FOCAD: variants seen among roughly 807,000 people sequenced by gnomAD.
FOCAD encodes the protein KIAA1797.
FOCAD carries 198 observed loss-of-function variants against 225.6 expected under a neutral mutation model. The ratio of observed to expected loss-of-function variants is 0.88; its 90% CI spans 0.78 to 0.99. The LOEUF (loss-of-function observed/expected upper bound fraction) is 0.99, where lower values mean the gene tolerates loss of function less well. Among genes scored for constraint, FOCAD ranks in the 50% least tolerant of loss-of-function variants. FOCAD has a pLI of 0.00. For synonymous variants in FOCAD, 897 were observed against 755.0 expected (o/e 1.19, Z -3.08); for missense variants, 2,713 against 2,123.6 (o/e 1.28, Z -5.46).
rs753502682 is a variant in FOCAD at position 20,770,017 on chromosome 9, G to C, written c.700-15G>C. 1 of 1,604,460 alleles carries C rather than the reference G, an allele frequency of 6.2e-7. No homozygotes were observed. Among genetic ancestry groups the C allele is most frequent in the South Asian group, 1.1e-5 (1 of 90,462 alleles). On this transcript the variant is annotated splice_polypyrimidine_tract_variant and intron_variant, in intron 7 of 43. Transcript: ENST00000338382. ...TGTGTATTTTTTAATATCATATAAT[G>C]ACTTTTTTAAACAGGTAAAAGATTT...
chr9:20,916,877 T>C lies in FOCAD; in HGVS notation c.2808-16T>C, dbSNP rs1311114634. The C allele has an allele frequency of 6.3e-7, 1 of 1,596,372 alleles. No individual in the cohort carries two copies. Among genetic ancestry groups the C allele is most frequent in the Non-Finnish European group, 8.5e-7 (1 of 1,174,120 alleles). ...TTCTAACATAAACTCTCGTCTATTT[T>C]CCATCTTTATTGCAGGGTTAGAGAC... On this transcript the variant is annotated splice_polypyrimidine_tract_variant and intron_variant, in intron 23 of 43. Coordinates refer to ENST00000338382, the MANE Select transcript of FOCAD (RefSeq NM_001375567.1).
At chr9:20,751,617 T>C (rs1296218159) in intron 5 of FOCAD, among the ~76,000 whole-genome samples, 3 of 139,440 alleles carry the variant, frequency 2.2e-5, no homozygotes, top group Admixed American at 7.3e-5. Context: ...GCAATAAACA[T>C]ATGTGTGCCT....
chr9:20,742,488 G>T (rs72703909), intron 5 of FOCAD, among the ~76,000 whole-genome samples: 2,657 of 152,280 alleles, frequency 0.017, 33 homozygotes, highest in Middle Eastern at 0.044. Context: ...AGCTACCGCC[G>T]CATCGGCATA....
rs758876380 is a variant in FOCAD at position 20,990,302 on chromosome 9, G to C, written c.5184G>C (p.Glu1728Asp). Residue 1728 changes from glutamate to aspartate, a missense_variant, in exon 42 of 44, where the codon GAG (glutamate) becomes GAC (aspartate). By Grantham distance (45) the Glu-to-Asp change is conservative. Coordinates refer to ENST00000338382, the MANE Select transcript of FOCAD (RefSeq NM_001375567.1). ...RSPMHRVTLQ[E>D]VLTLLPNSMA... ...CAATGCACAGGGTCACTCTGCAGGA[G>C]GTTCTCACTCTCCTTCCCAATAGCA... is the stretch of plus-strand genomic sequence containing the variant. 1 of 1,614,092 alleles carries C rather than the reference G, an allele frequency of 6.2e-7. No individual in the cohort carries two copies. The highest frequency in any genetic ancestry group is 8.5e-7 in the Non-Finnish European group (1 of 1,179,996).
chr9:20,906,326 T>A (rs1014203496), intron 21 of FOCAD, among the ~76,000 whole-genome samples: 1 of 151,930 alleles, frequency 6.6e-6, no homozygotes, highest in African/African-American at 2.4e-5. Flanking sequence ...TCTCTCACTC[T>A]CTCTCTTTTT....
intron 18 of FOCAD, among the ~76,000 whole-genome samples, chr9:20,872,235 G>C (rs1210300995): frequency 6.6e-6 from 1 of 152,110 alleles, no homozygotes; most frequent in African/African-American, 2.4e-5. Flanking sequence ...AAGATTGATG[G>C]GTTGGTCAGT....
At chr9:20,754,027 A>G in intron 5 of FOCAD, among the ~76,000 whole-genome samples, 1 of 152,146 alleles carries the variant, frequency 6.6e-6, no homozygotes, top group East Asian at 1.9e-4. Context: ...CGTTCTTTGT[A>G]CCACATTCTT....
chr9:20,779,760 A>G (rs1819180815), intron 9 of FOCAD, among the ~76,000 whole-genome samples: 1 of 152,160 alleles, frequency 6.6e-6, no homozygotes, highest in Non-Finnish European at 1.5e-5. Context: ...CAAAAAAAAA[A>G]AAAAGTGTGC....
intron 35 of FOCAD, among the ~76,000 whole-genome samples, chr9:20,961,899 G>A (rs560639509): frequency 2.0e-5 from 3 of 152,154 alleles, no homozygotes; most frequent in East Asian, 1.9e-4. Context: ...TGAAATATTC[G>A]GTCTTAACAT....
intron 9 of FOCAD, 145 bp from the exon 10 acceptor site, chr9:20,781,582 G>A (rs1230157010): frequency 3.2e-6 from 2 of 624,780 alleles, no homozygotes; most frequent in Non-Finnish European, 5.6e-6. Flanking sequence ...TTCCTTTTAG[G>A]ATAAGATTTA....
chr9:20,899,376 C>T (rs1194939431), intron 21 of FOCAD, among the ~76,000 whole-genome samples: 2 of 151,900 alleles, frequency 1.3e-5, no homozygotes, highest in African/African-American at 4.8e-5. Flanking sequence ...TTCAGGTTTT[C>T]CTGCCCCAGC....
intron 28 of FOCAD, among the ~76,000 whole-genome samples, chr9:20,942,285 T>C (rs770284835): frequency 2.6e-5 from 4 of 152,226 alleles, no homozygotes; most frequent in Non-Finnish European, 4.4e-5. Flanking sequence ...AAAGCCTTAA[T>C]ACATCTATCT....
At chr9:20,823,236 T>A in intron 15 of FOCAD, 121 bp downstream of exon 15, 1 of 1,164,460 alleles carries the variant, frequency 8.6e-7, no homozygotes, top group South Asian at 1.7e-5. Flanking sequence ...CCCAGTGAAT[T>A]TTTTCTTGGA....
At chr9:20,949,946 G>A (rs1837538335) in intron 33 of FOCAD, among the ~76,000 whole-genome samples, 1 of 152,046 alleles carries the variant, frequency 6.6e-6, no homozygotes, top group Non-Finnish European at 1.5e-5. Flanking sequence ...ATTCTGCGAG[G>A]AATGTCAGGC....
At chr9:20,964,857 G>T (rs773696883) in intron 35 of FOCAD, among the ~76,000 whole-genome samples, 1 of 152,100 alleles carries the variant, frequency 6.6e-6, no homozygotes, top group Non-Finnish European at 1.5e-5. Context: ...AAGAGTGTTT[G>T]TTGGAGGGGA....
chr9:20,981,052 G>A (rs1006777654), intron 37 of FOCAD, among the ~76,000 whole-genome samples: 1 of 152,190 alleles, frequency 6.6e-6, no homozygotes, highest in African/African-American at 2.4e-5. Context: ...TCATCTTCCA[G>A]AGCTTTTCTT....
chr9:20,990,276 C>T lies in FOCAD; in HGVS notation c.5158C>T (p.Pro1720Ser). ...GPVPSFLGRS[P>S]MHRVTLQEVL... ...AGTACCAAGCTTCCTTGGCAGGAGTCCAATGCACAGGGTCACTCTGCAGGA... is the reference window on the plus strand; with the variant it reads ...AGTACCAAGCTTCCTTGGCAGGAGTTCAATGCACAGGGTCACTCTGCAGGA... The change falls in exon 42 of 44, where the codon CCA (proline) becomes TCA (serine). Residue 1720 changes from proline to serine, a missense_variant. Coordinates refer to ENST00000338382, the MANE Select transcript of FOCAD (RefSeq NM_001375567.1). 1.9e-6 allele frequency: 3 copies of T among 1,614,150 alleles called. No homozygotes were observed. Among genetic ancestry groups the T allele is most frequent in the Non-Finnish European group, 2.5e-6 (3 of 1,180,020 alleles).
intron 11 of FOCAD, among the ~76,000 whole-genome samples, chr9:20,806,683 T>C (rs1420427459): frequency 6.6e-6 from 1 of 152,222 alleles, no homozygotes; most frequent in African/African-American, 2.4e-5. Flanking sequence ...TTACATCGAA[T>C]TCCATCTATT....
chr9:20,666,976 A>C (rs999776297), intron 2 of FOCAD, among the ~76,000 whole-genome samples: 3 of 152,238 alleles, frequency 2.0e-5, no homozygotes, highest in African/African-American at 7.2e-5. Context: ...AACAAACAAA[A>C]AAACCCACAA....
Sources: allele counts gnomAD v4.1 joint callset (sites outside exome capture counted in the v4.1 genomes callset), GRCh38; gene constraint gnomAD v4.1.1; transcripts MANE v1.5; gene names NCBI Gene and HGNC (gene_info 2026-07-23, HGNC 2026-07-21).